PLS1: variants seen among roughly 807,000 people sequenced by gnomAD.
PLS1 encodes the protein plastin 1, also known as plastin-1.
PLS1 carries 32 observed loss-of-function variants against 73.7 expected under a neutral mutation model. That is an observed-to-expected ratio of 0.43 (90% CI 0.33 to 0.58). The LOEUF (loss-of-function observed/expected upper bound fraction) is 0.58, where lower values mean the gene tolerates loss of function less well. Ranked by LOEUF, PLS1 falls within the 20% of genes least tolerant of loss-of-function variation. The pLI is 0.04. For synonymous variants in PLS1, 217 were observed against 261.3 expected (o/e 0.83, Z 1.63); for missense variants, 633 against 740.5 (o/e 0.85, Z 1.68).
intron 14 of PLS1, among the ~76,000 whole-genome samples, chr3:142,711,258 A>G (rs1359804286): frequency 6.6e-6 from 1 of 152,172 alleles, no homozygotes; most frequent in African/African-American, 2.4e-5. Context: ...TAGCATACTT[A>G]GGAGCTATCA....
At chr3:142,623,025 C>G (rs1252704921) in intron 1 of PLS1, among the ~76,000 whole-genome samples, 1 of 152,074 alleles carries the variant, frequency 6.6e-6, no homozygotes, top group Non-Finnish European at 1.5e-5. Flanking sequence ...CAGGAGTTAT[C>G]ATAGCACGCT....
At chr3:142,632,809 G>C (rs972326957) in intron 1 of PLS1, among the ~76,000 whole-genome samples, 1 of 152,046 alleles carries the variant, frequency 6.6e-6, no homozygotes, top group African/African-American at 2.4e-5. Flanking sequence ...ATGTTGGCCG[G>C]GCTGGTCTCA....
chr3:142,640,639 A>G (rs1422983445), intron 1 of PLS1, among the ~76,000 whole-genome samples: 2 of 152,212 alleles, frequency 1.3e-5, no homozygotes, highest in Non-Finnish European at 2.9e-5. Context: ...GGGCATGTAT[A>G]GAGGGTTAAT....
At chr3:142,680,240 G>T (rs1190503776) in intron 6 of PLS1, among the ~76,000 whole-genome samples, 2 of 152,090 alleles carry the variant, frequency 1.3e-5, no homozygotes, top group Non-Finnish European at 2.9e-5. Flanking sequence ...ATTTTTTAAA[G>T]TTTTTGTGGA....
rs528001211 is a variant in PLS1 at position 142,675,261 on chromosome 3, G to C, written c.365-896G>C. On this transcript the variant is annotated intron_variant, in intron 4 of 15. Transcript: ENST00000457734. ...CCGATGGTCTGCTTCTGACTCATTA[G>C]CTTTCAGAAGCAATACATATTTGGA... is the stretch of plus-strand genomic sequence containing the variant. Among the ~76,000 whole-genome samples the C allele has an allele frequency of 9.2e-5, 14 of 152,266 alleles. No homozygotes were observed. In the East Asian group the frequency reaches 2.7e-3, roughly 29 times the overall value.
chr3:142,658,386 A>G (rs7625764), intron 1 of PLS1, among the ~76,000 whole-genome samples: 6,693 of 151,812 alleles, frequency 0.044, 492 homozygotes, highest in African/African-American at 0.15. Context: ...TGAGGTAGGA[A>G]AATTGCTTAA....
chr3:142,635,997 C>T lies in PLS1; in HGVS notation c.-36-28205C>T, dbSNP rs539901287. On this transcript the variant is annotated intron_variant, in intron 1 of 15. Coordinates refer to ENST00000457734, the MANE Select transcript of PLS1 (RefSeq NM_001145319.2). Reference sequence around the variant, plus strand: ...CTTGACCTCCTGGGCTCAAGAGAGCCTTTCACCTCAGCCTTTCAAGTAGCT... The same window carrying T: ...CTTGACCTCCTGGGCTCAAGAGAGCTTTTCACCTCAGCCTTTCAAGTAGCT... Among the ~76,000 whole-genome samples, 10 of 152,218 alleles carry T rather than the reference C, an allele frequency of 6.6e-5. No individual in the cohort carries two copies. The South Asian group carries it at 2.1e-3, about 32-fold the overall frequency.
intron 1 of PLS1, among the ~76,000 whole-genome samples, chr3:142,612,228 C>G (rs983314739): frequency 6.6e-6 from 1 of 152,194 alleles, no homozygotes; most frequent in Non-Finnish European, 1.5e-5. Flanking sequence ...ATGATCAACT[C>G]CAACTCTAAC....
chr3:142,642,470 A>G (rs980544750), intron 1 of PLS1, among the ~76,000 whole-genome samples: 29 of 152,196 alleles, frequency 1.9e-4, no homozygotes, highest in African/African-American at 6.3e-4. Context: ...GAATTGTTTC[A>G]TCAACATTTT....
chr3:142,641,150 C>G (rs1465510914), intron 1 of PLS1, among the ~76,000 whole-genome samples: 2 of 141,020 alleles, frequency 1.4e-5, no homozygotes, highest in South Asian at 4.4e-4. Context: ...GACAGAGACC[C>G]AGAGTGATTA....
At chr3:142,651,795 T>C (rs1484977644) in intron 1 of PLS1, among the ~76,000 whole-genome samples, 3 of 152,220 alleles carry the variant, frequency 2.0e-5, no homozygotes, top group Non-Finnish European at 4.4e-5. Flanking sequence ...AGCTTAAAAA[T>C]CAAATTTCAC....
At position 142,669,403 on chromosome 3, in the gene PLS1, T is replaced by C. The variant is rs2037553655; in HGVS notation, c.84T>C (p.Ser28=). ...EAFNKIDIDN[S]GYVSDYELQD... is the part of the protein sequence containing the mutation. ...ATATCTTTACAGATATTGACAATAG[T>C]GGGTATGTCAGTGACTATGAACTTC... The change falls in exon 3 of 16, where the codon AGT becomes AGC. Residue 28 remains serine (S), a synonymous_variant. Transcript: ENST00000457734. 6.4e-7 allele frequency: 1 copy of C among 1,556,808 alleles called. No individual in the cohort carries two copies. Among genetic ancestry groups the C allele is most frequent in the Non-Finnish European group, 8.8e-7 (1 of 1,134,600 alleles).
Position 142,646,268 on chromosome 3 carries a change from C to G in PLS1, c.-36-17934C>G, listed in dbSNP as rs189281939. ...GGAAGTCTCACTTGCTGTGTGTGGA[C>G]TGCCACTGTGTATGAGGCATGAGTG... On this transcript the variant is annotated intron_variant, in intron 1 of 15. Transcript: ENST00000457734. Among the ~76,000 whole-genome samples the G allele has an allele frequency of 3.3e-3, 506 of 152,262 alleles. 10 individuals carry two copies. The highest frequency in any genetic ancestry group is 0.012 in the African/African-American group (493 of 41,550).
chr3:142,605,406 C>T (rs761785614), intron 1 of PLS1, among the ~76,000 whole-genome samples: 3 of 152,112 alleles, frequency 2.0e-5, no homozygotes, highest in Non-Finnish European at 2.9e-5. Flanking sequence ...AGTCTTGCTC[C>T]GTTGCTCAGG....
chr3:142,611,289 T>TA (rs1449249921), intron 1 of PLS1, among the ~76,000 whole-genome samples: 1 of 152,226 alleles, frequency 6.6e-6, no homozygotes, highest in Admixed American at 6.5e-5. Flanking sequence ...AGCTCTGTGT[T>TA]ATTTTATTCT....
chr3:142,614,461 C>A (rs1352050032), intron 1 of PLS1, among the ~76,000 whole-genome samples: 1 of 152,192 alleles, frequency 6.6e-6, no homozygotes, highest in East Asian at 1.9e-4. Context: ...GGTACAGCAA[C>A]CCTGGCTTAG....
chr3:142,709,032 T>C (rs1294864709), intron 14 of PLS1, among the ~76,000 whole-genome samples: 3 of 152,232 alleles, frequency 2.0e-5, no homozygotes, highest in Non-Finnish European at 2.9e-5. Flanking sequence ...AATCAAATTA[T>C]AGCACAATTA....
chr3:142,654,631 G>A (rs979022802), intron 1 of PLS1, among the ~76,000 whole-genome samples: 3 of 152,174 alleles, frequency 2.0e-5, no homozygotes, highest in African/African-American at 4.8e-5. Flanking sequence ...GGGGATTACA[G>A]CATGAACCAC....
intron 1 of PLS1, among the ~76,000 whole-genome samples, chr3:142,643,574 A>G (rs964445871): frequency 2.6e-5 from 4 of 152,172 alleles, no homozygotes; most frequent in Non-Finnish European, 4.4e-5. Context: ...CACTGATGAC[A>G]AAAGGAGTCC....
Sources: gnomAD v4.1 joint callset for allele counts (sites outside exome capture counted in the v4.1 genomes callset) on GRCh38, gnomAD v4.1.1 for gene constraint, MANE v1.5 for transcripts, NCBI Gene and HGNC (gene_info 2026-07-23, HGNC 2026-07-21) for gene names.